The following CTNND2 variants were observed in gnomAD, a reference collection of about 807,000 sequenced individuals.
CTNND2 encodes catenin delta 2, also known as catenin delta-2.
A neutral mutation model predicts 144.4 loss-of-function variants in CTNND2; 22 were observed. The ratio of observed to expected loss-of-function variants is 0.15; its 90% CI spans 0.11 to 0.22. CTNND2 has a LOEUF of 0.22. Ranked by LOEUF, CTNND2 falls within the 10% of genes least tolerant of loss-of-function variation. The pLI is 1.00. For missense variants in CTNND2, 1,353 were observed against 1,618.8 expected, an observed-to-expected ratio of 0.84 and a Z score of 2.82; for synonymous variants, 751 against 695.6, an observed-to-expected ratio of 1.08 and a Z score of -1.25.
At chr5:11,209,705 G>T (rs1334053942) in intron 10 of CTNND2, among the ~76,000 whole-genome samples, 1 of 152,102 alleles carries the variant, frequency 6.6e-6, no homozygotes, top group Non-Finnish European at 1.5e-5. Flanking sequence ...GGCAGATCAC[G>T]AGGTCAGGAG....
intron 2 of CTNND2, among the ~76,000 whole-genome samples, chr5:11,631,160 T>C (rs999936152): frequency 6.6e-6 from 1 of 152,196 alleles, no homozygotes; most frequent in Non-Finnish European, 1.5e-5. Flanking sequence ...GTCATTAAGA[T>C]ATTCTCCAAT....
At chr5:11,340,839 A>T (rs1322156513) in intron 9 of CTNND2, among the ~76,000 whole-genome samples, 1 of 152,212 alleles carries the variant, frequency 6.6e-6, no homozygotes, top group Admixed American at 6.5e-5. Context: ...CATGTAAAAT[A>T]GGTATTATAA....
intron 18 of CTNND2, among the ~76,000 whole-genome samples, chr5:10,993,932 GA>G (rs1561138797): frequency 1.3e-5 from 2 of 151,034 alleles, no homozygotes; most frequent in African/African-American, 4.9e-5. Context: ...AATATTATCA[GA>G]AAAAAAAGCT....
At chr5:11,682,357 A>C (rs1245606099) in intron 2 of CTNND2, among the ~76,000 whole-genome samples, 1 of 152,232 alleles carries the variant, frequency 6.6e-6, no homozygotes, top group Non-Finnish European at 1.5e-5. Flanking sequence ...TTGCAGCTTA[A>C]CATCCAATAT....
chr5:11,208,063 T>C (rs1021199758), intron 10 of CTNND2, among the ~76,000 whole-genome samples: 1 of 152,108 alleles, frequency 6.6e-6, no homozygotes, highest in African/African-American at 2.4e-5. Context: ...TCTTATATAC[T>C]AAAAATAATT....
chr5:11,669,968 T>C, intron 2 of CTNND2, among the ~76,000 whole-genome samples: 1 of 152,214 alleles, frequency 6.6e-6, no homozygotes, highest in East Asian at 1.9e-4. Context: ...CTCACTGGTT[T>C]CAAAGAACAT....
At chr5:11,468,606 A>G (rs31943) in intron 3 of CTNND2, among the ~76,000 whole-genome samples, 6,113 of 152,222 alleles carry the variant, frequency 0.04, 412 homozygotes, top group African/African-American at 0.14. Flanking sequence ...TACTGCAGAT[A>G]CTCAAACCCT....
At chr5:11,194,319 C>T (rs1736637410) in intron 11 of CTNND2, among the ~76,000 whole-genome samples, 3 of 152,272 alleles carry the variant, frequency 2.0e-5, no homozygotes, top group South Asian at 4.1e-4. Context: ...AGTCACCTCT[C>T]ATTCTCCACT....
chr5:11,167,238 A>C (rs1759428438), intron 11 of CTNND2, among the ~76,000 whole-genome samples: 1 of 152,206 alleles, frequency 6.6e-6, no homozygotes, highest in South Asian at 2.1e-4. Context: ...GGTCCATAAC[A>C]CCGTAAACTC....
At chr5:11,401,086 T>C (rs1376635208) in intron 5 of CTNND2, among the ~76,000 whole-genome samples, 1 of 152,232 alleles carries the variant, frequency 6.6e-6, no homozygotes, top group African/African-American at 2.4e-5. Flanking sequence ...GGAAACTCGC[T>C]GTCCACTATT....
At chr5:11,757,585 G>A (rs2126798649) in intron 1 of CTNND2, among the ~76,000 whole-genome samples, 1 of 152,010 alleles carries the variant, frequency 6.6e-6, no homozygotes, top group South Asian at 2.1e-4. Flanking sequence ...CAACATAAAG[G>A]AATGCCAAAT....
intron 1 of CTNND2, among the ~76,000 whole-genome samples, chr5:11,740,299 G>T (rs1222847149): frequency 1.3e-5 from 2 of 152,146 alleles, no homozygotes; most frequent in Non-Finnish European, 2.9e-5. Context: ...ATATTACAAG[G>T]CTACAGTAAC....
chr5:11,359,403 C>T (rs548674448), intron 8 of CTNND2, among the ~76,000 whole-genome samples: 40 of 152,286 alleles, frequency 2.6e-4, no homozygotes, highest in African/African-American at 8.9e-4. Flanking sequence ...ACACTGGTGG[C>T]CTTCCTCTCT....
chr5:11,498,179 G>T (rs182971386), intron 3 of CTNND2, among the ~76,000 whole-genome samples: 4 of 152,004 alleles, frequency 2.6e-5, no homozygotes, highest in Non-Finnish European at 5.9e-5. Flanking sequence ...CAATTTTACT[G>T]CCACAATAAC....
chr5:11,329,929 C>A (rs141130526), intron 9 of CTNND2, among the ~76,000 whole-genome samples: 2 of 152,144 alleles, frequency 1.3e-5, no homozygotes, highest in Admixed American at 6.5e-5. Flanking sequence ...TGGAAACTTA[C>A]AACAAGCTCC....
At chr5:11,090,340 C>T (rs1750637004) in intron 15 of CTNND2, among the ~76,000 whole-genome samples, 1 of 152,248 alleles carries the variant, frequency 6.6e-6, no homozygotes, top group South Asian at 2.1e-4. Context: ...GGTAGTTTTA[C>T]AAGTGCTCTC....
intron 2 of CTNND2, among the ~76,000 whole-genome samples, chr5:11,602,480 C>A (rs1047576217): frequency 6.6e-6 from 1 of 151,700 alleles, no homozygotes; most frequent in Non-Finnish European, 1.5e-5. Flanking sequence ...AAGGGCACTG[C>A]CCTTTGGCCA....
intron 9 of CTNND2, among the ~76,000 whole-genome samples, chr5:11,341,397 C>G (rs1754261886): frequency 6.6e-6 from 1 of 152,114 alleles, no homozygotes; most frequent in South Asian, 2.1e-4. Flanking sequence ...GGCTGAATGG[C>G]AAGGTTTTGG....
At chr5:11,847,336 A>G (rs1422555265) in intron 1 of CTNND2, among the ~76,000 whole-genome samples, 1 of 151,780 alleles carries the variant, frequency 6.6e-6, no homozygotes, top group Non-Finnish European at 1.5e-5. Context: ...TGTTATTTGC[A>G]GCAACACAGA....
Sources: gnomAD v4.1 joint callset for allele counts (sites outside exome capture counted in the v4.1 genomes callset) on GRCh38, gnomAD v4.1.1 for gene constraint, MANE v1.5 for transcripts, NCBI Gene and HGNC (gene_info 2026-07-23, HGNC 2026-07-21) for gene names.